DIP2B: variants seen among roughly 807,000 people sequenced by gnomAD.
DIP2B encodes the protein DIP2 acetate--CoA ligase B (putative).
DIP2B carries 76 observed loss-of-function variants against 198.0 expected under a neutral mutation model. The ratio of observed to expected loss-of-function variants is 0.38; its 90% CI spans 0.32 to 0.46. The LOEUF (loss-of-function observed/expected upper bound fraction) is 0.46. DIP2B is among the 20% of genes least tolerant of loss of function. The pLI is 0.99. For missense variants in DIP2B, 1,559 were observed against 1,978.4 expected (o/e 0.79, Z 4.02); for synonymous variants, 701 against 739.1 (o/e 0.95, Z 0.84).
intron 1 of DIP2B, among the ~76,000 whole-genome samples, chr12:50,524,941 G>T (rs1958149898): frequency 6.6e-6 from 1 of 152,144 alleles, no homozygotes; most frequent in Admixed American, 6.5e-5. Context: ...TCCCAGGCTA[G>T]TCTCAAATTC....
intron 1 of DIP2B, among the ~76,000 whole-genome samples, chr12:50,559,775 A>T (rs957442852): frequency 2.0e-5 from 3 of 150,020 alleles, no homozygotes; most frequent in Non-Finnish European, 3.0e-5. Flanking sequence ...TTTAACACTT[A>T]CAAGGTATCA....
chr12:50,641,498 C>A (rs1593679470), intron 3 of DIP2B, among the ~76,000 whole-genome samples: 2 of 152,270 alleles, frequency 1.3e-5, no homozygotes, highest in Admixed American at 1.3e-4. Context: ...TACTAGGAGA[C>A]CTCAGTGGAT....
chr12:50,579,623 A>C (rs1958697008), intron 1 of DIP2B, among the ~76,000 whole-genome samples: 1 of 21,470 alleles, frequency 4.7e-5, no homozygotes, highest in Non-Finnish European at 8.5e-5. Context: ...AAAAAAAAAA[A>C]AAAAAAAAAA....
intron 3 of DIP2B, among the ~76,000 whole-genome samples, chr12:50,656,122 G>A (rs1369817760): frequency 1.3e-5 from 2 of 152,076 alleles, no homozygotes; most frequent in African/African-American, 2.4e-5. Flanking sequence ...ATATTGAATT[G>A]GAAATGGAGG....
intron 1 of DIP2B, among the ~76,000 whole-genome samples, chr12:50,591,296 C>A (rs1288270745): frequency 6.6e-6 from 1 of 152,108 alleles, no homozygotes; most frequent in African/African-American, 2.4e-5. Flanking sequence ...ATGCCCAATT[C>A]TTGAACCTGA....
At chr12:50,545,707 C>A (rs1251572660) in intron 1 of DIP2B, among the ~76,000 whole-genome samples, 4 of 147,546 alleles carry the variant, frequency 2.7e-5, no homozygotes, top group African/African-American at 7.6e-5. Flanking sequence ...GCTATCTGGG[C>A]TCACTGCAAC....
At chr12:50,735,954 G>A (rs968008227) in intron 34 of DIP2B, among the ~76,000 whole-genome samples, 3 of 152,204 alleles carry the variant, frequency 2.0e-5, no homozygotes, top group South Asian at 2.1e-4. Flanking sequence ...GCTATAAAAC[G>A]TCAAAAGAGA....
At chr12:50,671,638 A>G (rs1188883587) in intron 5 of DIP2B, among the ~76,000 whole-genome samples, 3 of 152,254 alleles carry the variant, frequency 2.0e-5, no homozygotes, top group Non-Finnish European at 2.9e-5. Context: ...AGCTATTTCC[A>G]TAAGCAATGC....
At chr12:50,614,808 T>C (rs1937664391) in intron 1 of DIP2B, among the ~76,000 whole-genome samples, 1 of 152,240 alleles carries the variant, frequency 6.6e-6, no homozygotes, top group Non-Finnish European at 1.5e-5. Context: ...TTTTCCACTT[T>C]GGCCTAAGCG....
intron 1 of DIP2B, among the ~76,000 whole-genome samples, chr12:50,581,601 T>C (rs1049758044): frequency 6.7e-6 from 1 of 149,330 alleles, no homozygotes; most frequent in Non-Finnish European, 1.5e-5. Context: ...CAGTGCTGAT[T>C]TCTCCTCCAT....
chr12:50,566,802 T>C lies in DIP2B; in HGVS notation c.101-59174T>C, dbSNP rs368830749. Among the ~76,000 whole-genome samples, 54 of 152,182 alleles carry C rather than the reference T, an allele frequency of 3.5e-4. No homozygotes were observed. In the East Asian group the frequency reaches 8.3e-3, roughly 23 times the overall value. On this transcript the variant is annotated intron_variant, in intron 1 of 37. Transcript: ENST00000301180. ...GGCTAACACGGTGAAACCCCGTCTC[T>C]ACTAAACAAAATACAAAAAATTAGC... is the stretch of plus-strand genomic sequence containing the variant.
At chr12:50,694,620 G>A (rs1338498261) in intron 14 of DIP2B, among the ~76,000 whole-genome samples, 1 of 150,140 alleles carries the variant, frequency 6.7e-6, no homozygotes, top group Non-Finnish European at 1.5e-5. Flanking sequence ...AGGAATTGGA[G>A]GCCAGCCTGG....
At chr12:50,547,605 G>T (rs1033780513) in intron 1 of DIP2B, among the ~76,000 whole-genome samples, 1 of 152,132 alleles carries the variant, frequency 6.6e-6, no homozygotes, top group Non-Finnish European at 1.5e-5. Flanking sequence ...GTGTATGAGA[G>T]AAATCTCTGT....
intron 1 of DIP2B, among the ~76,000 whole-genome samples, chr12:50,574,543 C>A (rs977129130): frequency 6.6e-6 from 1 of 150,706 alleles, no homozygotes; most frequent in South Asian, 2.1e-4. Flanking sequence ...ACAGCTTATG[C>A]GTATGAGGAA....
intron 13 of DIP2B, 102 bp from the exon 14 acceptor site, chr12:50,692,847 G>A: frequency 5.8e-6 from 6 of 1,027,426 alleles, no homozygotes; most frequent in Non-Finnish European, 5.8e-6. Context: ...AAAAGAAAAA[G>A]CAAACAAACA....
chr12:50,706,793 A>G (rs1024888746), intron 21 of DIP2B, 128 bp downstream of exon 21: 1 of 1,066,294 alleles, frequency 9.4e-7, no homozygotes, highest in African/African-American at 1.6e-5. Flanking sequence ...TAAGCATTGC[A>G]TAAGCCTGGC....
At chr12:50,596,316 G>A (rs557915939) in intron 1 of DIP2B, among the ~76,000 whole-genome samples, 29 of 152,202 alleles carry the variant, frequency 1.9e-4, no homozygotes, top group Non-Finnish European at 4.3e-4. Flanking sequence ...GAGTTTGGTT[G>A]TCTCTCTTGC....
At position 50,697,189 on chromosome 12, in the gene DIP2B, T is replaced by C. The variant is rs367776724; in HGVS notation, c.2048+14T>C. 1.7e-4 allele frequency: 271 copies of C among 1,609,894 alleles called. No homozygotes were observed. The highest frequency in any genetic ancestry group is 2.2e-4 in the Non-Finnish European group (254 of 1,176,862). On this transcript the variant is annotated intron_variant, in intron 17 of 37. Transcript: ENST00000301180. ...AGCAATCCGCAGGTACTGTTCAGGATGTCAGATGCTCTTGATGTATGTTAC... is the reference window on the plus strand; with the variant it reads ...AGCAATCCGCAGGTACTGTTCAGGACGTCAGATGCTCTTGATGTATGTTAC...
intron 19 of DIP2B, among the ~76,000 whole-genome samples, chr12:50,700,056 C>G (rs1396084073): frequency 6.6e-6 from 1 of 152,164 alleles, no homozygotes; most frequent in Non-Finnish European, 1.5e-5. Flanking sequence ...TCAGGTTGCT[C>G]ATATTATTCA....
Sources: gnomAD v4.1 joint callset for allele counts (sites outside exome capture counted in the v4.1 genomes callset) on GRCh38, gnomAD v4.1.1 for gene constraint, MANE v1.5 for transcripts, NCBI Gene and HGNC (gene_info 2026-07-23, HGNC 2026-07-21) for gene names.